The following ANKRD11 variants were observed in gnomAD, a reference collection of about 807,000 sequenced individuals.
ANKRD11 encodes ankyrin repeat domain-containing protein 11.
A neutral mutation model predicts 195.7 loss-of-function variants in ANKRD11; 17 were observed. That is an observed-to-expected ratio of 0.09 (90% CI 0.06 to 0.13). The LOEUF is 0.13. Ranked by LOEUF, ANKRD11 falls within the 10% of genes least tolerant of loss-of-function variation. The probability of loss-of-function intolerance (pLI) is 1.00; values close to 1 mark genes in which losing one functional copy is unlikely to be tolerated. For synonymous variants in ANKRD11, 1,953 were observed against 1,528.1 expected, an observed-to-expected ratio of 1.28 and a Z score of -6.49; for missense variants, 3,735 against 3,566.1, an observed-to-expected ratio of 1.05 and a Z score of -1.21.
chr16:89,295,520 C>T (rs1451349787), intron 4 of ANKRD11, among the ~76,000 whole-genome samples: 1 of 152,242 alleles, frequency 6.6e-6, no homozygotes, highest in Non-Finnish European at 1.5e-5. Context: ...AGAGCTGAGA[C>T]CCCTCCATGA....
chr16:89,325,348 G>C (rs1326853911), intron 2 of ANKRD11, among the ~76,000 whole-genome samples: 1 of 152,074 alleles, frequency 6.6e-6, no homozygotes, highest in African/African-American at 2.4e-5. Context: ...TAAGGCAGGA[G>C]GATCACTTGA....
chr16:89,354,448 A>G (rs1362578213), intron 2 of ANKRD11, among the ~76,000 whole-genome samples: 1 of 152,222 alleles, frequency 6.6e-6, no homozygotes, highest in Non-Finnish European at 1.5e-5. Context: ...CGCAGTGCAG[A>G]GCCAGCCCAC....
Position 89,284,273 on chromosome 16 carries a change from TTTC to T in ANKRD11, c.2266_2268del (p.Glu756del). On this transcript the variant is annotated inframe_deletion, in exon 9 of 13. Transcript: ENST00000301030. ...CTCTCCTCTTTGTACAGTCTCAGTT[TTTC>T]TTCTTTCGGAGACTTTTCCTTCAGC... 6.2e-7 allele frequency: 1 copy of T among 1,613,968 alleles called. No homozygotes were observed. Among genetic ancestry groups the T allele is most frequent in the Non-Finnish European group, 8.5e-7 (1 of 1,180,022 alleles).
At position 89,281,961 on chromosome 16, in the gene ANKRD11, A is replaced by G. The variant is rs2034286654; in HGVS notation, c.4581T>C (p.Asp1527=). 1 of 1,612,694 alleles carries G rather than the reference A, an allele frequency of 6.2e-7. No homozygotes were observed. Among genetic ancestry groups the G allele is most frequent in the Admixed American group, 1.7e-5 (1 of 60,016 alleles). The change falls in exon 9 of 13, where the codon GAT becomes GAC. Residue 1527 remains aspartate (D), a synonymous_variant. Transcript: ENST00000301030. This position sits in a 1 kb window ranked among gnomAD's most constrained non-coding sequence, Gnocchi z 5.5. ...CCTTGAATTTCTCCTTCAGTTTGGC[A>G]TCGCCGAGCCTCGGGCCCTCGTCCC... The part of the protein sequence containing the change: ...KSRDEGPRLG[D]AKLKEKFKDG...
intron 2 of ANKRD11, among the ~76,000 whole-genome samples, chr16:89,319,300 T>A (rs138352851): frequency 2.0e-5 from 3 of 152,246 alleles, no homozygotes; most frequent in African/African-American, 7.2e-5. Flanking sequence ...ATTCTCTTCA[T>A]GTCCCTAGCT....
chr16:89,336,080 G>C (rs1301903829), intron 2 of ANKRD11, among the ~76,000 whole-genome samples: 3 of 152,256 alleles, frequency 2.0e-5, no homozygotes, highest in Non-Finnish European at 2.9e-5. Flanking sequence ...GTTTGAAAAA[G>C]CTTTAACTGT....
chr16:89,480,038 G>C (rs192516710), intron 1 of ANKRD11, among the ~76,000 whole-genome samples: 17 of 151,286 alleles, frequency 1.1e-4, no homozygotes, highest in Admixed American at 7.2e-4. Context: ...TTGAACCCGA[G>C]AGGCAGAGGT....
rs142623688 is a variant in ANKRD11 at position 89,435,324 on chromosome 16, G to A, written c.-144-16956C>T. 8.0e-3 allele frequency among the ~76,000 whole-genome samples: 1,217 copies of A among 152,276 alleles called. 4 individuals carry two copies. Among genetic ancestry groups the A allele is most frequent in the Middle Eastern group, 0.044 (13 of 294 alleles). ...GGACCAATCAGCAGTACGTGGGCAG[G>A]GCCGAATAAGGGAATAAAAGCTGGC... is the stretch of plus-strand genomic sequence containing the variant. On this transcript the variant is annotated intron_variant, in intron 1 of 12. Coordinates refer to ENST00000301030, the MANE Select transcript of ANKRD11 (RefSeq NM_013275.6).
At chr16:89,440,622 G>T (rs1009516255) in intron 1 of ANKRD11, among the ~76,000 whole-genome samples, 1 of 152,094 alleles carries the variant, frequency 6.6e-6, no homozygotes, top group Non-Finnish European at 1.5e-5. Flanking sequence ...TCAAAAGGAG[G>T]GGGAGGAGGA....
chr16:89,409,363 G>C (rs900419295), intron 2 of ANKRD11, among the ~76,000 whole-genome samples: 2 of 152,200 alleles, frequency 1.3e-5, no homozygotes, highest in Admixed American at 6.5e-5. Context: ...CTATCAACAG[G>C]GGTGGGGTGG....
At chr16:89,269,832 G>A (rs1239056218) in intron 12 of ANKRD11, 1 of 152,152 alleles carries the variant, frequency 6.6e-6, no homozygotes, top group African/African-American at 2.4e-5. Flanking sequence ...CTGACCTCAG[G>A]TGAACCACCC....
In ANKRD11 at chr16:89,490,309, G is replaced by C. The variant is rs1282513945; in HGVS notation, c.-209C>G. 6.8e-6 allele frequency: 1 copy of C among 147,288 alleles called. No homozygotes were observed. The highest frequency in any genetic ancestry group is 2.5e-5 in the African/African-American group (1 of 40,816). 9.1% of individuals were successfully genotyped at this position (147,288 alleles called of 1,614,324 possible). A position where few individuals can be genotyped will look rare whatever the true frequency, so the allele number is the denominator to read the frequency against. ...GCGGGGCGCGGGCGCTGCCCATGCAGCCCGCGGCCGCGTTTCCCGGGCCGC... is the reference window on the plus strand; with the variant it reads ...GCGGGGCGCGGGCGCTGCCCATGCACCCCGCGGCCGCGTTTCCCGGGCCGC... On this transcript the variant is annotated 5_prime_UTR_variant, in exon 1 of 13. Transcript: ENST00000301030.
intron 1 of ANKRD11, among the ~76,000 whole-genome samples, chr16:89,451,593 T>C (rs980133810): frequency 6.6e-6 from 1 of 151,938 alleles, no homozygotes; most frequent in Non-Finnish European, 1.5e-5. Context: ...ATTTTTGTAT[T>C]TTTAGTAGAG....
At chr16:89,478,906 G>A (rs1168438015) in intron 1 of ANKRD11, among the ~76,000 whole-genome samples, 1 of 152,190 alleles carries the variant, frequency 6.6e-6, no homozygotes, top group African/African-American at 2.4e-5. Context: ...CCTCACTTGG[G>A]CCCTCCAGAC....
At chr16:89,308,820 T>G (rs1274270649) in intron 3 of ANKRD11, among the ~76,000 whole-genome samples, 2 of 151,916 alleles carry the variant, frequency 1.3e-5, no homozygotes, top group African/African-American at 4.8e-5. Context: ...GTGCACACCA[T>G]GAGAACGGGG....
intron 2 of ANKRD11, among the ~76,000 whole-genome samples, chr16:89,391,357 T>C (rs949220901): frequency 6.6e-6 from 1 of 152,100 alleles, no homozygotes; most frequent in Non-Finnish European, 1.5e-5. Context: ...GCTGGCAGTC[T>C]TGCGGGACTC....
chr16:89,359,829 G>A (rs1204772757), intron 2 of ANKRD11, among the ~76,000 whole-genome samples: 1 of 152,182 alleles, frequency 6.6e-6, no homozygotes, highest in Non-Finnish European at 1.5e-5. Context: ...CAATTCTTGT[G>A]TAAAAGCTAC....
intron 1 of ANKRD11, among the ~76,000 whole-genome samples, chr16:89,470,618 G>C (rs970920955): frequency 2.6e-5 from 4 of 152,210 alleles, no homozygotes; most frequent in Non-Finnish European, 4.4e-5. Flanking sequence ...GGCAAAGGCA[G>C]GTAGATCACA....
At chr16:89,384,874 G>GTTTTTTTTTTTTTTTTTTTTTTTTTTT (rs1257714722) in intron 2 of ANKRD11, among the ~76,000 whole-genome samples, 1 of 72,752 alleles carries the variant, frequency 1.4e-5, no homozygotes, top group African/African-American at 5.6e-5. Context: ...ATGAGAAATA[G>GTTTTTTTTTTTTTTTTTTTTTTTTTTT]TTTTCTTTTT....
Sources: gnomAD v4.1 joint callset for allele counts (sites outside exome capture counted in the v4.1 genomes callset) on GRCh38, gnomAD v4.1.1 for gene constraint, Gnocchi (gnomAD v3.1) non-coding constraint, MANE v1.5 for transcripts, NCBI Gene and HGNC (gene_info 2026-07-23, HGNC 2026-07-21) for gene names.